Variants in ANKS1B observed in about 807,000 individuals in gnomAD.
The protein encoded by ANKS1B is ankyrin repeat and sterile alpha motif domain-containing protein 1B.
Under a neutral mutation model 148.3 loss-of-function variants are expected in ANKS1B, and 36 were observed. The ratio of observed to expected loss-of-function variants is 0.24; its 90% CI spans 0.19 to 0.32. The LOEUF is 0.32. Among genes scored for constraint, ANKS1B ranks in the 10% least tolerant of loss-of-function variants. The pLI is 1.00. For missense variants in ANKS1B, 1,157 were observed against 1,542.6 expected (o/e 0.75, Z 4.19); for synonymous variants, 542 against 560.8 (o/e 0.97, Z 0.47).
At chr12:99,966,770 G>A (rs1304755345) in intron 1 of ANKS1B, among the ~76,000 whole-genome samples, 3 of 152,180 alleles carry the variant, frequency 2.0e-5, no homozygotes, top group African/African-American at 7.2e-5. Context: ...GGAGAAAATA[G>A]TAATGATAGG....
chr12:99,374,424 G>A (rs2093298504), intron 12 of ANKS1B, among the ~76,000 whole-genome samples: 1 of 152,174 alleles, frequency 6.6e-6, no homozygotes, highest in Non-Finnish European at 1.5e-5. Context: ...GGCTGAGTGA[G>A]TGTAGGTGTT....
intron 1 of ANKS1B, among the ~76,000 whole-genome samples, chr12:99,876,367 T>A (rs919544428): frequency 6.6e-6 from 1 of 152,080 alleles, no homozygotes; most frequent in Non-Finnish European, 1.5e-5. Context: ...TGGCTTTACA[T>A]CAGCCAAATC....
chr12:99,677,438 G>T (rs1376032619), intron 8 of ANKS1B, among the ~76,000 whole-genome samples: 2 of 152,128 alleles, frequency 1.3e-5, no homozygotes, highest in South Asian at 4.1e-4. Context: ...TGGAGGAGAG[G>T]AAAGGGATGT....
chr12:99,175,767 G>A (rs950417450), intron 14 of ANKS1B, among the ~76,000 whole-genome samples: 2 of 152,184 alleles, frequency 1.3e-5, no homozygotes, highest in Non-Finnish European at 2.9e-5. Context: ...ATAGTTGCAG[G>A]CTTCCAGGCT....
chr12:99,546,274 C>A (rs2153146230), intron 9 of ANKS1B, among the ~76,000 whole-genome samples: 1 of 152,264 alleles, frequency 6.6e-6, no homozygotes, highest in East Asian at 1.9e-4. Flanking sequence ...AGTAAGCATT[C>A]TTGAACACTA....
chr12:98,781,315 CACA>C, intron 23 of ANKS1B, 112 bp from the exon 24 acceptor site: 1 of 183,524 alleles, frequency 5.4e-6, no homozygotes, highest in East Asian at 1.1e-4. Flanking sequence ...ACAACAACAA[CACA>C]CACACACACA....
Position 99,966,833 on chromosome 12 carries a change from C to G in ANKS1B, c.134+17271G>C, listed in dbSNP as rs552663546. 6.1e-4 allele frequency among the ~76,000 whole-genome samples: 93 copies of G among 151,520 alleles called. No individual in the cohort carries two copies. The Middle Eastern group carries it at 0.01, about 17-fold the overall frequency. On this transcript the variant is annotated intron_variant, in intron 1 of 26. Transcript: ENST00000683438. The stretch of plus-strand genomic sequence containing the variant: ...ATTACAGCACAGCACATACAACTTC[C>G]GTGGAACACAATTTTTTTCTGTTCA...
At chr12:99,666,884 G>GTT (rs1567601337) in intron 8 of ANKS1B, among the ~76,000 whole-genome samples, 1 of 145,158 alleles carries the variant, frequency 6.9e-6, no homozygotes, top group Non-Finnish European at 1.5e-5. Context: ...GTGTGTGTGT[G>GTT]TGTGTGTGTG....
rs563628248 is a variant in ANKS1B at position 99,095,496 on chromosome 12, C to T, written c.2527-10473G>A. Reference sequence around the variant, plus strand: ...AGCGATGGGCCCACAGTCCTTGGACCTCCAATGATAGATATCTCCATTGGA... The same window carrying T: ...AGCGATGGGCCCACAGTCCTTGGACTTCCAATGATAGATATCTCCATTGGA... On this transcript the variant is annotated intron_variant, in intron 15 of 26. Coordinates refer to ENST00000683438, the MANE Select transcript of ANKS1B (RefSeq NM_001352186.2). 1.8e-4 allele frequency among the ~76,000 whole-genome samples: 28 copies of T among 152,290 alleles called. No individual in the cohort carries two copies. In the South Asian group the frequency reaches 5.8e-3, roughly 32 times the overall value.
At chr12:99,893,523 T>C (rs945840372) in intron 1 of ANKS1B, among the ~76,000 whole-genome samples, 68 of 152,098 alleles carry the variant, frequency 4.5e-4, no homozygotes, top group African/African-American at 1.6e-3. Flanking sequence ...GTTTTTACTA[T>C]ATGTTACCTC....
At chr12:98,788,218 A>G (rs2098815127) in intron 22 of ANKS1B, among the ~76,000 whole-genome samples, 1 of 151,592 alleles carries the variant, frequency 6.6e-6, no homozygotes, top group South Asian at 2.1e-4. Flanking sequence ...CAGCCGGACC[A>G]ACATGGTGAA....
intron 17 of ANKS1B, among the ~76,000 whole-genome samples, chr12:98,901,859 C>T (rs1262432266): frequency 6.6e-6 from 1 of 152,124 alleles, no homozygotes; most frequent in Non-Finnish European, 1.5e-5. Flanking sequence ...AGCAGCGTGG[C>T]TCTTCCTTAT....
At chr12:98,902,132 A>G (rs1567685482) in intron 17 of ANKS1B, among the ~76,000 whole-genome samples, 1 of 152,216 alleles carries the variant, frequency 6.6e-6, no homozygotes, top group African/African-American at 2.4e-5. Context: ...GGGAATGAAT[A>G]TAAACACTGA....
intron 9 of ANKS1B, among the ~76,000 whole-genome samples, chr12:99,650,332 ACAGCATTGC>A (rs1222829973): frequency 1.3e-5 from 2 of 152,208 alleles, no homozygotes; most frequent in Non-Finnish European, 2.9e-5. Flanking sequence ...GGTTTGAATC[ACAGCATTGC>A]CACACATTAA....
Position 99,403,838 on chromosome 12 carries a change from A to T in ANKS1B, c.1576-4027T>A, listed in dbSNP as rs544477605. Among the ~76,000 whole-genome samples, 8 of 146,410 alleles carry T rather than the reference A, an allele frequency of 5.5e-5. No individual in the cohort carries two copies. The South Asian group carries it at 8.4e-4, about 15-fold the overall frequency. The stretch of plus-strand genomic sequence containing the variant: ...TAATTACTGGGTATATACCCAAAGG[A>T]ATATAAATCATTCTGTCATAAAGAC... On this transcript the variant is annotated intron_variant, in intron 11 of 26. Transcript: ENST00000683438.
intron 9 of ANKS1B, among the ~76,000 whole-genome samples, chr12:99,580,086 T>A (rs2153227399): frequency 6.6e-6 from 1 of 152,128 alleles, no homozygotes; most frequent in Non-Finnish European, 1.5e-5. Flanking sequence ...TCTAAGCAAA[T>A]TAACATAGGA....
chr12:99,509,934 A>C (rs2096747625), intron 9 of ANKS1B, among the ~76,000 whole-genome samples: 1 of 151,994 alleles, frequency 6.6e-6, no homozygotes, highest in Admixed American at 6.6e-5. Flanking sequence ...TTACCACTCC[A>C]AAAATCCTAG....
At chr12:99,610,524 T>C (rs1038512131) in intron 9 of ANKS1B, among the ~76,000 whole-genome samples, 1 of 152,076 alleles carries the variant, frequency 6.6e-6, no homozygotes. Context: ...GAAGTTCTAA[T>C]TTCTATGAAC....
At chr12:98,779,074 T>G (rs982363041) in intron 24 of ANKS1B, among the ~76,000 whole-genome samples, 19 of 152,226 alleles carry the variant, frequency 1.2e-4, no homozygotes, top group Non-Finnish European at 1.9e-4. Flanking sequence ...ATTCTGAAAA[T>G]ATGTTGAGGA....
Sources: allele counts gnomAD v4.1 joint callset (sites outside exome capture counted in the v4.1 genomes callset), GRCh38; gene constraint gnomAD v4.1.1; transcripts MANE v1.5; gene names NCBI Gene and HGNC (gene_info 2026-07-23, HGNC 2026-07-21).